CPE: variants seen among roughly 807,000 people sequenced by gnomAD.
The protein encoded by CPE is carbocypeptidase E.
CPE carries 17 observed loss-of-function variants against 53.5 expected under a neutral mutation model. The observed-to-expected ratio is 0.32, with a 90% confidence interval of 0.22 to 0.48. CPE has a LOEUF of 0.48. Ranked by LOEUF, CPE falls within the 20% of genes least tolerant of loss-of-function variation. The probability of loss-of-function intolerance (pLI) is 0.99; values close to 1 mark genes in which losing one functional copy is unlikely to be tolerated. For missense variants in CPE, 524 were observed against 614.7 expected, an observed-to-expected ratio of 0.85 and a Z score of 1.56; for synonymous variants, 226 against 228.8, an observed-to-expected ratio of 0.99 and a Z score of 0.11.
At chr4:165,494,594 A>C (rs59853947) in intron 7 of CPE, among the ~76,000 whole-genome samples, 4,496 of 152,326 alleles carry the variant, frequency 0.03, 208 homozygotes, top group African/African-American at 0.097. Context: ...AGGATCTTGA[A>C]AAAATCTGTT....
chr4:165,488,195 A>G (rs1045965054), intron 6 of CPE, among the ~76,000 whole-genome samples: 8 of 152,210 alleles, frequency 5.3e-5, no homozygotes, highest in Admixed American at 2.6e-4. Flanking sequence ...CATCATCATT[A>G]TAATCATCAC....
chr4:165,419,812 T>C (rs1388622740), intron 1 of CPE, among the ~76,000 whole-genome samples: 3 of 152,180 alleles, frequency 2.0e-5, no homozygotes, highest in Non-Finnish European at 4.4e-5. Flanking sequence ...AACTAATACA[T>C]CAAACATTTC....
At chr4:165,398,909 T>C (rs1730820939) in intron 1 of CPE, among the ~76,000 whole-genome samples, 1 of 152,148 alleles carries the variant, frequency 6.6e-6, no homozygotes, top group South Asian at 2.1e-4. Context: ...TAAAAATATG[T>C]TTTGCAGGCA....
chr4:165,412,984 C>T (rs1442050989), intron 1 of CPE, among the ~76,000 whole-genome samples: 1 of 152,248 alleles, frequency 6.6e-6, no homozygotes, highest in Non-Finnish European at 1.5e-5. Context: ...ACCCAGACTT[C>T]TTCGCATGCG....
At chr4:165,423,155 G>C (rs1731255334) in intron 1 of CPE, among the ~76,000 whole-genome samples, 1 of 152,078 alleles carries the variant, frequency 6.6e-6, no homozygotes, top group Non-Finnish European at 1.5e-5. Flanking sequence ...GGATGACTTT[G>C]AGTTCTGTTT....
intron 1 of CPE, among the ~76,000 whole-genome samples, chr4:165,442,036 G>GTTTTTTTTTTTTTTTTT (rs1318749931): frequency 8.2e-5 from 5 of 61,332 alleles, no homozygotes; most frequent in African/African-American, 1.6e-4. Context: ...TTTTTTTTTT[G>GTTTTTTTTTTTTTTTTT]TTTTTTTTTT....
intron 1 of CPE, among the ~76,000 whole-genome samples, chr4:165,390,373 C>T (rs1730660814): frequency 6.6e-6 from 1 of 152,168 alleles, no homozygotes; most frequent in East Asian, 1.9e-4. Flanking sequence ...TTTCTCCATA[C>T]AATGGGTCAG....
intron 1 of CPE, among the ~76,000 whole-genome samples, chr4:165,451,134 C>T (rs1445267278): frequency 3.9e-5 from 6 of 152,172 alleles, no homozygotes; most frequent in Non-Finnish European, 8.8e-5. Context: ...TAGGATCTTC[C>T]GTTGCTTCAC....
At chr4:165,437,561 G>A (rs772442487) in intron 1 of CPE, among the ~76,000 whole-genome samples, 1 of 152,176 alleles carries the variant, frequency 6.6e-6, no homozygotes, top group Non-Finnish European at 1.5e-5. Flanking sequence ...GATGAAGAGG[G>A]AAGGCACAGT....
chr4:165,473,480 C>T (rs1044629937), intron 3 of CPE, among the ~76,000 whole-genome samples: 1 of 152,188 alleles, frequency 6.6e-6, no homozygotes, highest in African/African-American at 2.4e-5. Flanking sequence ...CAGAAGTTAT[C>T]CCCCCTCAAG....
At chr4:165,397,321 C>T in intron 1 of CPE, among the ~76,000 whole-genome samples, 1 of 152,094 alleles carries the variant, frequency 6.6e-6, no homozygotes, top group East Asian at 1.9e-4. Context: ...ATAATTATCC[C>T]CATTCTATAA....
chr4:165,474,015 G>A (rs1462319432), intron 3 of CPE, among the ~76,000 whole-genome samples: 3 of 152,238 alleles, frequency 2.0e-5, no homozygotes, highest in Non-Finnish European at 4.4e-5. Flanking sequence ...GCTGTGCTAG[G>A]CTTCCTCTCA....
intron 1 of CPE, 37 bp from the exon 2 acceptor site, chr4:165,464,353 A>G (rs113446204): frequency 6.6e-7 from 1 of 1,518,138 alleles, no homozygotes; most frequent in Non-Finnish European, 8.9e-7. Context: ...TCTGTATGTC[A>G]TAGAAAACAT....
intron 1 of CPE, among the ~76,000 whole-genome samples, chr4:165,409,032 C>T (rs1489961273): frequency 1.3e-5 from 2 of 152,198 alleles, no homozygotes; most frequent in East Asian, 3.8e-4. Flanking sequence ...GCAACTGTCT[C>T]TTCTTACATT....
At chr4:165,414,979 A>C (rs959179479) in intron 1 of CPE, 2 of 153,056 alleles carry the variant, frequency 1.3e-5, no homozygotes, top group African/African-American at 4.8e-5. Context: ...GAGTTGTCTC[A>C]TAATCACCTC....
chr4:165,392,737 T>C (rs1730705036), intron 1 of CPE, among the ~76,000 whole-genome samples: 1 of 148,382 alleles, frequency 6.7e-6, no homozygotes. Context: ...TTTTATTGTC[T>C]TGGTGAGGGA....
chr4:165,492,975 C>T (rs75339127), intron 6 of CPE, among the ~76,000 whole-genome samples, 196 bp from the exon 7 acceptor site: 3,793 of 152,174 alleles, frequency 0.025, 160 homozygotes, highest in African/African-American at 0.082. Context: ...TTAATTTTCA[C>T]TTATCTATTT....
rs1173022270 is a variant in CPE, at chr4:165,461,166, C to CAAAAAAAAAAAAAAAAA, written c.308-3219_308-3203dup. Among the ~76,000 whole-genome samples, 34 of 44,194 alleles carry CAAAAAAAAAAAAAAAAA rather than the reference C, an allele frequency of 7.7e-4. 1 individual carries two copies. The highest frequency in any genetic ancestry group is 1.3e-3 in the African/African-American group (20 of 14,850). 29.0% of individuals were successfully genotyped at this position (44,194 alleles called of 152,430 possible). ...TGGGTGACAGAGTGAGCCTCTGCCT[C>CAAAAAAAAAAAAAAAAA]AAAAAAAAAAAAAAAAAAAAAGAAA... On this transcript the variant is annotated intron_variant, in intron 1 of 8. Transcript: ENST00000402744.
intron 1 of CPE, among the ~76,000 whole-genome samples, chr4:165,420,430 C>T: frequency 6.6e-6 from 1 of 152,008 alleles, no homozygotes. Flanking sequence ...TGGAGTAAAA[C>T]AACTATTTAT....
Sources: allele counts gnomAD v4.1 joint callset (sites outside exome capture counted in the v4.1 genomes callset), GRCh38; gene constraint gnomAD v4.1.1; transcripts MANE v1.5; gene names NCBI Gene and HGNC (gene_info 2026-07-23, HGNC 2026-07-21).